Variants in SPTA1 observed in about 807,000 individuals in gnomAD.
SPTA1 encodes the protein spectrin alpha, erythrocytic 1, also known as spectrin alpha chain, erythrocytic 1.
Under a neutral mutation model 324.7 loss-of-function variants are expected in SPTA1, and 177 were observed. The ratio of observed to expected loss-of-function variants is 0.55; its 90% CI spans 0.48 to 0.62. The LOEUF (loss-of-function observed/expected upper bound fraction) is 0.62. Ranked by LOEUF, SPTA1 falls within the 20% of genes least tolerant of loss-of-function variation. The pLI is 0.00. For synonymous variants in SPTA1, 1,195 were observed against 1,041.3 expected (o/e 1.15, Z -2.84); for missense variants, 3,162 against 2,883.6 (o/e 1.10, Z -2.21).
chr1:158,677,462 CAT>C (rs1264980041), intron 7 of SPTA1, among the ~76,000 whole-genome samples: 7 of 152,090 alleles, frequency 4.6e-5, no homozygotes, highest in African/African-American at 1.4e-4. Context: ...GAATATAAAA[CAT>C]ATGTGTATAT....
At chr1:158,647,763 C>A in intron 26 of SPTA1, 43 bp from the exon 27 acceptor site, 2 of 1,609,250 alleles carry the variant, frequency 1.2e-6, no homozygotes, top group Non-Finnish European at 1.7e-6. Flanking sequence ...TAGAGACACA[C>A]CTGAATCTTA....
chr1:158,653,367 C>T lies in SPTA1; in HGVS notation c.3095G>A (p.Arg1032Lys), dbSNP rs773863055. 6.2e-7 allele frequency: 1 copy of T among 1,614,126 alleles called. No individual in the cohort carries two copies. The highest frequency in any genetic ancestry group is 8.5e-7 in the Non-Finnish European group (1 of 1,180,020). The stretch of plus-strand genomic sequence containing the variant: ...CGGGAACTCATCGTGGGCCAGTCTT[C>T]TGACATAGACAGCTGGGACAATGCC... ...HQGIVPAVYV[R>K]RLAHDEFPML... Residue 1032 changes from arginine to lysine, a missense_variant, in exon 22 of 52, where the codon AGA becomes AAA. By Grantham distance (26) the Arg-to-Lys change is conservative. Coordinates refer to ENST00000643759, the MANE Select transcript of SPTA1 (RefSeq NM_003126.4).
intron 39 of SPTA1, among the ~76,000 whole-genome samples, chr1:158,632,975 G>A (rs1219217118): frequency 6.6e-6 from 1 of 152,134 alleles, no homozygotes; most frequent in East Asian, 1.9e-4. Flanking sequence ...CTTATACCAC[G>A]ACACTGCTCA....
At chr1:158,661,056 T>C (rs575876832) in intron 18 of SPTA1, among the ~76,000 whole-genome samples, 1 of 152,328 alleles carries the variant, frequency 6.6e-6, no homozygotes, top group Non-Finnish European at 1.5e-5. Flanking sequence ...CATTTTACTT[T>C]AATAATTTTT....
intron 2 of SPTA1, among the ~76,000 whole-genome samples, chr1:158,684,168 G>C (rs1276707930): frequency 6.6e-6 from 1 of 151,536 alleles, no homozygotes; most frequent in African/African-American, 2.4e-5. Context: ...TATAATTTTA[G>C]GTGATCAGAA....
Position 158,642,536 on chromosome 1 carries a change from A to G in SPTA1, c.4612T>C (p.Tyr1538His). 1 of 1,613,484 alleles carries G rather than the reference A, an allele frequency of 6.2e-7. No homozygotes were observed. Among genetic ancestry groups the G allele is most frequent in the Non-Finnish European group, 8.5e-7 (1 of 1,179,644 alleles). ...YKDATNIQRK[Y>H]LKHQTFAHEV... ...TGTGCAAAGGTCTGGTGTTTCAGGT[A>G]TTTCCTCTGAAGGGAAAATGAAACA... is the stretch of plus-strand genomic sequence containing the variant. Residue 1538 changes from tyrosine (Y) to histidine (H), a missense_variant, in exon 33 of 52, where the codon TAC becomes CAC. Tyr to His is a moderately conservative substitution (Grantham distance 83, BLOSUM62 2). Coordinates refer to ENST00000643759, the MANE Select transcript of SPTA1 (RefSeq NM_003126.4).
intron 7 of SPTA1, among the ~76,000 whole-genome samples, chr1:158,677,268 A>G (rs1207428485): frequency 2.6e-5 from 4 of 152,166 alleles, no homozygotes; most frequent in African/African-American, 9.7e-5. Flanking sequence ...AAAGGAGAAG[A>G]CAATGTTTTT....
In SPTA1 at chr1:158,638,104, G is replaced by C. The variant is rs200945419; in HGVS notation, c.5118C>G (p.His1706Gln). 2 of 1,613,986 alleles carry C rather than the reference G, an allele frequency of 1.2e-6. No homozygotes were observed. The highest frequency in any genetic ancestry group is 1.7e-6 in the Non-Finnish European group (2 of 1,179,960). ...AGGCATAGGCCTCTTTCAATTTTTC[G>C]TGGTGTGCAGCTGCCAATTCTTGGA... ...LNVQELAAAH[H>Q]EKLKEAYALF... The change falls in exon 36 of 52, where the codon CAC becomes CAG. Residue 1706 changes from histidine to glutamine, a missense_variant. By Grantham distance (24) the His-to-Gln change is conservative. Coordinates refer to ENST00000643759, the MANE Select transcript of SPTA1 (RefSeq NM_003126.4).
chr1:158,663,409 C>T (rs1014032307), intron 16 of SPTA1, among the ~76,000 whole-genome samples: 4 of 152,014 alleles, frequency 2.6e-5, no homozygotes, highest in Non-Finnish European at 5.9e-5. Context: ...TGAGATGAAA[C>T]GTGATGTTAT....
chr1:158,621,735 A>G (rs575236162), intron 43 of SPTA1, among the ~76,000 whole-genome samples: 1 of 152,294 alleles, frequency 6.6e-6, no homozygotes, highest in South Asian at 2.1e-4. Flanking sequence ...GAAATTAACT[A>G]AGACTCTGAT....
At chr1:158,623,479 C>A (rs1344524214) in intron 42 of SPTA1, among the ~76,000 whole-genome samples, 3 of 152,124 alleles carry the variant, frequency 2.0e-5, no homozygotes, top group African/African-American at 7.2e-5. Context: ...CCCATAGTCC[C>A]CATGTGTCAT....
intron 19 of SPTA1, 108 bp from the exon 20 acceptor site, chr1:158,656,764 G>A (rs1436119503): frequency 1.0e-6 from 1 of 999,230 alleles, no homozygotes; most frequent in East Asian, 2.4e-5. Flanking sequence ...GGTAAAAGCT[G>A]CTTTCCATCT....
intron 39 of SPTA1, among the ~76,000 whole-genome samples, chr1:158,634,172 A>G (rs1650892016): frequency 6.6e-6 from 1 of 152,226 alleles, no homozygotes; most frequent in South Asian, 2.1e-4. Flanking sequence ...GTCCAGACAT[A>G]AGAAGATTTT....
intron 42 of SPTA1, among the ~76,000 whole-genome samples, chr1:158,623,709 A>G (rs1650074190): frequency 6.6e-6 from 1 of 152,210 alleles, no homozygotes; most frequent in Non-Finnish European, 1.5e-5. Flanking sequence ...ATGCTAAAAT[A>G]CGTCAATTAA....
In SPTA1 at chr1:158,661,330, G is replaced by C. The variant is rs2101888770; in HGVS notation, c.2544C>G (p.Arg848=). The change falls in exon 18 of 52, where the codon CGC becomes CGG. Residue 848 remains arginine, a synonymous_variant. Transcript: ENST00000643759. Reference sequence around the variant, plus strand: ...TTCCCCTTTCTGTTATCTCTTGAATGCGTGGTTCATGGCTGGCAATGTTCT... The same window carrying C: ...TTCCCCTTTCTGTTATCTCTTGAATCCGTGGTTCATGGCTGGCAATGTTCT... The part of the protein sequence containing the change: ...ILENIASHEP[R]IQEITERGNK... 6.2e-7 allele frequency: 1 copy of C among 1,613,898 alleles called. No homozygotes were observed. Among genetic ancestry groups the C allele is most frequent in the Non-Finnish European group, 8.5e-7 (1 of 1,179,898 alleles).
chr1:158,640,061 G>C (rs569022500), intron 33 of SPTA1, 54 bp from the exon 34 acceptor site: 1 of 1,612,822 alleles, frequency 6.2e-7, no homozygotes, highest in African/African-American at 1.3e-5. Context: ...CGGGCCCTGT[G>C]ACTACTTGAG....
At chr1:158,615,466 G>A (rs1426664404) in intron 47 of SPTA1, 63 bp from the exon 48 acceptor site, 20 of 1,524,862 alleles carry the variant, frequency 1.3e-5, no homozygotes, top group South Asian at 3.4e-5. Context: ...AAACCTAGAG[G>A]TGGAAGAGGA....
At position 158,676,234 on chromosome 1, in the gene SPTA1, T is replaced by C; in HGVS notation, c.1019A>G (p.Gln340Arg). ...LTLSHPSDAP[Q>R]IQEMKEDLVS... ...CAGATCTTCTTTCATCTCCTGGATC[T>C]GAGGTGCATCTGAAGGATGGGAAAG... Residue 340 changes from glutamine to arginine, a missense_variant, in exon 8 of 52, where the codon CAG (glutamine) becomes CGG (arginine). Gln to Arg is a conservative substitution (Grantham distance 43, BLOSUM62 1). Coordinates refer to ENST00000643759, the MANE Select transcript of SPTA1 (RefSeq NM_003126.4). 2 of 1,613,784 alleles carry C rather than the reference T, an allele frequency of 1.2e-6. No homozygotes were observed. The highest frequency in any genetic ancestry group is 2.2e-5 in the South Asian group (2 of 91,074).
intron 5 of SPTA1, among the ~76,000 whole-genome samples, chr1:158,679,819 G>A (rs966055210): frequency 2.6e-5 from 4 of 152,114 alleles, no homozygotes; most frequent in Non-Finnish European, 4.4e-5. Context: ...AAAAGTGATG[G>A]AGGTAGAAAA....
Sources: allele counts gnomAD v4.1 joint callset (sites outside exome capture counted in the v4.1 genomes callset), GRCh38; gene constraint gnomAD v4.1.1; transcripts MANE v1.5; gene names NCBI Gene and HGNC (gene_info 2026-07-23, HGNC 2026-07-21).